The following MCTP2 variants were observed in gnomAD, a reference collection of about 807,000 sequenced individuals.
MCTP2 encodes multiple C2 and transmembrane domain containing 2, also known as multiple C2 and transmembrane domain-containing protein 2.
Under a neutral mutation model 111.6 loss-of-function variants are expected in MCTP2, and 132 were observed. The ratio of observed to expected loss-of-function variants is 1.18; its 90% CI spans 1.03 to 1.37. MCTP2 has a LOEUF of 1.37. MCTP2 is among the 40% of genes most tolerant of loss of function. The pLI, the probability that MCTP2 is intolerant of heterozygous loss-of-function variation, is 0.00. For synonymous variants in MCTP2, 395 were observed against 387.7 expected (o/e 1.02, Z -0.22); for missense variants, 1,183 against 1,067.9 (o/e 1.11, Z -1.50).
At chr15:94,376,436 A>G (rs1179691803) in intron 12 of MCTP2, among the ~76,000 whole-genome samples, 1 of 152,218 alleles carries the variant, frequency 6.6e-6, no homozygotes, top group Non-Finnish European at 1.5e-5. Context: ...ACAGAAGCAG[A>G]GACCCATGTG....
At chr15:94,294,709 T>C (rs2075177884) in intron 1 of MCTP2, among the ~76,000 whole-genome samples, 1 of 152,170 alleles carries the variant, frequency 6.6e-6, no homozygotes, top group Admixed American at 6.5e-5. Context: ...CATAAGAGGC[T>C]GATTCCCATT....
chr15:94,350,978 T>A (rs2078271921), intron 8 of MCTP2, among the ~76,000 whole-genome samples: 1 of 152,152 alleles, frequency 6.6e-6, no homozygotes, highest in Non-Finnish European at 1.5e-5. Flanking sequence ...ACTATTTTTT[T>A]AAATCTTCTC....
intron 1 of MCTP2, among the ~76,000 whole-genome samples, chr15:94,237,355 TGA>T (rs1360904136): frequency 6.6e-6 from 1 of 151,982 alleles, no homozygotes; most frequent in Non-Finnish European, 1.5e-5. Context: ...GAGCCATATT[TGA>T]GAGGTGGAGG....
intron 2 of MCTP2, 53 bp from the exon 3 acceptor site, chr15:94,314,229 G>A: frequency 8.1e-7 from 1 of 1,236,386 alleles, no homozygotes; most frequent in Non-Finnish European, 1.2e-6. Flanking sequence ...ATCTTCCTGA[G>A]TTGGTATTAA....
chr15:94,305,047 T>C (rs192936923), intron 2 of MCTP2, among the ~76,000 whole-genome samples: 1 of 152,272 alleles, frequency 6.6e-6, no homozygotes, highest in African/African-American at 2.4e-5. Flanking sequence ...TAAAGAGTCA[T>C]TGCTTGGATT....
intron 4 of MCTP2, among the ~76,000 whole-genome samples, chr15:94,333,568 A>G (rs2077225492): frequency 6.6e-6 from 1 of 152,192 alleles, no homozygotes. Context: ...CACCATTTGT[A>G]TTGGTACCAG....
Position 94,444,239 on chromosome 15 carries a change from C to T in MCTP2, c.2250+1279C>T, listed in dbSNP as rs184985956. Among the ~76,000 whole-genome samples the T allele has an allele frequency of 3.2e-4, 49 of 152,282 alleles. 1 individual carries two copies. Among genetic ancestry groups the T allele is most frequent in the East Asian group, 3.1e-3 (16 of 5,186 alleles). On this transcript the variant is annotated intron_variant, in intron 19 of 22. Coordinates refer to ENST00000357742, the MANE Select transcript of MCTP2 (RefSeq NM_001385001.1). ...CAAATGGAAGAAATGCACAGGGCAA[C>T]GGATGGGGGAATGGGTGTGGAACTT...
intron 2 of MCTP2, among the ~76,000 whole-genome samples, chr15:94,307,158 A>G (rs962484093): frequency 6.6e-6 from 1 of 152,190 alleles, no homozygotes. Context: ...AGAGTAGTCA[A>G]CAAAATAGAA....
At chr15:94,239,024 GA>G (rs1280953827) in intron 1 of MCTP2, among the ~76,000 whole-genome samples, 1 of 136,226 alleles carries the variant, frequency 7.3e-6, no homozygotes, top group Non-Finnish European at 1.6e-5. Flanking sequence ...AAAAAAAAAA[GA>G]AAAGAAAAAC....
intron 5 of MCTP2, among the ~76,000 whole-genome samples, 160 bp downstream of exon 5, chr15:94,339,592 G>A (rs1431762816): frequency 2.0e-5 from 3 of 152,162 alleles, no homozygotes; most frequent in Non-Finnish European, 4.4e-5. Context: ...TGTTGAAACT[G>A]TATGTTTCTC....
chr15:94,359,454 A>G (rs565462788), intron 10 of MCTP2, among the ~76,000 whole-genome samples: 38 of 152,272 alleles, frequency 2.5e-4, no homozygotes, highest in African/African-American at 8.9e-4. Context: ...TTAAACACAG[A>G]TGTTGAAAGG....
intron 1 of MCTP2, 51 bp from the exon 2 acceptor site, chr15:94,298,150 T>TG: frequency 2.6e-6 from 2 of 766,906 alleles, no homozygotes; most frequent in South Asian, 2.1e-5. Context: ...AGAAGGTTCA[T>TG]GTTTTTTTTT....
At chr15:94,478,683 G>A (rs1193257587) in intron 22 of MCTP2, among the ~76,000 whole-genome samples, 2 of 152,158 alleles carry the variant, frequency 1.3e-5, no homozygotes, top group Non-Finnish European at 2.9e-5. Flanking sequence ...GTTGAAAACT[G>A]GCACACACAA....
At chr15:94,370,914 A>G (rs988035155) in intron 12 of MCTP2, among the ~76,000 whole-genome samples, 1 of 152,116 alleles carries the variant, frequency 6.6e-6, no homozygotes, top group African/African-American at 2.4e-5. Context: ...CTATCTATTG[A>G]TTCAGGATTG....
chr15:94,362,973 G>T (rs1267389879), intron 10 of MCTP2, among the ~76,000 whole-genome samples: 1 of 152,162 alleles, frequency 6.6e-6, no homozygotes, highest in Non-Finnish European at 1.5e-5. Flanking sequence ...AAGTAATTTA[G>T]TCTGTTTTCT....
At chr15:94,400,619 T>C (rs996256491) in intron 16 of MCTP2, among the ~76,000 whole-genome samples, 77 of 146,884 alleles carry the variant, frequency 5.2e-4, no homozygotes, top group East Asian at 1.2e-3. Context: ...TTTTTTTTTT[T>C]CCGTGACCTT....
intron 19 of MCTP2, among the ~76,000 whole-genome samples, 156 bp from the exon 20 acceptor site, chr15:94,457,981 G>GT (rs1567748870): frequency 1.3e-5 from 2 of 151,950 alleles, no homozygotes; most frequent in African/African-American, 4.8e-5. Context: ...GATTTTTCTG[G>GT]GGGGGGAGTC....
chr15:94,312,831 C>T (rs28412055), intron 2 of MCTP2, among the ~76,000 whole-genome samples: 1,830 of 152,288 alleles, frequency 0.012, 46 homozygotes, highest in African/African-American at 0.042. Context: ...TGCAGCTCCT[C>T]ACCATTTCTC....
chr15:94,343,045 CAT>C (rs1202466667), intron 7 of MCTP2: 6 of 116,504 alleles, frequency 5.2e-5, no homozygotes, highest in Admixed American at 4.8e-4. Context: ...TGGAGATAAA[CAT>C]GTATATATAT....
Sources: gnomAD v4.1 joint callset for allele counts (sites outside exome capture counted in the v4.1 genomes callset) on GRCh38, gnomAD v4.1.1 for gene constraint, MANE v1.5 for transcripts, NCBI Gene and HGNC (gene_info 2026-07-23, HGNC 2026-07-21) for gene names.